The following LY6G5B variants were observed in gnomAD, a reference collection of about 807,000 sequenced individuals.
LY6G5B encodes the protein lymphocyte antigen 6 complex locus protein G5b.
A neutral mutation model predicts 6.7 loss-of-function variants in LY6G5B; 6 were observed. The ratio of observed to expected loss-of-function variants is 0.89; its 90% CI spans 0.49 to 1.76. The LOEUF is 1.76. LY6G5B is among the 40% of genes most tolerant of loss of function. The probability of loss-of-function intolerance (pLI) is 0.01; values close to 1 mark genes in which losing one functional copy is unlikely to be tolerated. For missense variants in LY6G5B, 240 were observed against 249.5 expected, an observed-to-expected ratio of 0.96 and a Z score of 0.26; for synonymous variants, 98 against 99.4, an observed-to-expected ratio of 0.99 and a Z score of 0.09.
exon 1 of LY6G5B, chr6:31,670,662 A>G: frequency 2.2e-6 from 1 of 465,072 alleles, no homozygotes; most frequent in East Asian, 3.4e-5. Flanking sequence ...AAAGGTAGAC[A>G]CTGGATAAAG....
chr6:31,670,448 C>T (rs1043667597), exon 1 of LY6G5B: 8 of 174,790 alleles, frequency 4.6e-5, no homozygotes, highest in Admixed American at 2.8e-4. Flanking sequence ...AATTGCTGCT[C>T]AGTGATGTGT....
exon 3 of LY6G5B, chr6:31,672,205 C>T (rs142186859): frequency 1.4e-5 from 23 of 1,612,968 alleles, no homozygotes; most frequent in African/African-American, 8.0e-5. Flanking sequence ...TGAGCTGCGC[C>T]GCATGTACTT....
exon 3 of LY6G5B, chr6:31,671,907 T>G: frequency 6.2e-7 from 1 of 1,613,042 alleles, no homozygotes; most frequent in Non-Finnish European, 8.5e-7. Context: ...GACAGTACAT[T>G]TCCTACCGCT....
exon 1 of LY6G5B, chr6:31,670,258 T>G (rs920952037): frequency 1.2e-5 from 4 of 327,632 alleles, no homozygotes. Context: ...AAATGCAAGG[T>G]CAAAAGGAAA....
chr6:31,670,222 C>A, exon 1 of LY6G5B: 1 of 424,990 alleles, frequency 2.4e-6, no homozygotes. Context: ...TGGAGCAGAA[C>A]AGAATTCCTA....
At chr6:31,670,970 T>C (rs1802164780) in exon 1 of LY6G5B, 1 of 1,611,264 alleles carries the variant, frequency 6.2e-7, no homozygotes, top group African/African-American at 1.3e-5. Context: ...CATATGCTTG[T>C]AGGTGTGCTG....
exon 3 of LY6G5B, chr6:31,672,028 G>A (rs1162676066): frequency 1.9e-6 from 3 of 1,613,036 alleles, no homozygotes; most frequent in East Asian, 2.2e-5. Flanking sequence ...CTCTCTGCCG[G>A]AGCCCCATGA....
chr6:31,671,396 C>A (rs955998396), intron 2 of LY6G5B, 112 bp downstream of exon 2: 7 of 1,491,544 alleles, frequency 4.7e-6, no homozygotes, highest in Admixed American at 3.5e-5. Flanking sequence ...AGAGGAGGGG[C>A]TGAGTGCAAT....
In LY6G5B at chr6:31,671,313, G is replaced by A. The variant is rs1173222696; in HGVS notation, c.187+29G>A. 3.1e-6 allele frequency: 5 copies of A among 1,612,382 alleles called. No homozygotes were observed. The South Asian group carries it at 5.5e-5, about 18-fold the overall frequency. ...AATAAGGTCCCAGGAAGGGGCTGCT[G>A]GTGGGGCAGCCAATGGCTTGGTCTT... On this transcript the variant is annotated intron_variant, in intron 2 of 2. Transcript: ENST00000375864.
chr6:31,673,308 A>C (rs893540400), exon 3 of LY6G5B: 24 of 152,446 alleles, frequency 1.6e-4, no homozygotes, highest in Non-Finnish European at 3.5e-4. Flanking sequence ...AGATGTCCTG[A>C]CTTGGCAATT....
exon 1 of LY6G5B, chr6:31,670,880 G>T: frequency 6.7e-7 from 1 of 1,491,726 alleles, no homozygotes; most frequent in South Asian, 1.3e-5. Flanking sequence ...TAGGATTAAG[G>T]AGCATGGTCA....
At chr6:31,672,201 G>C in exon 3 of LY6G5B, 2 of 1,613,098 alleles carry the variant, frequency 1.2e-6, no homozygotes, top group Non-Finnish European at 1.7e-6. Context: ...TTGCTGAGCT[G>C]CGCCGCATGT....
At chr6:31,671,791 A>G (rs778391540) in intron 2 of LY6G5B, 73 bp from the exon 3 acceptor site, 88 of 1,518,446 alleles carry the variant, frequency 5.8e-5, no homozygotes, top group Non-Finnish European at 7.7e-5. Context: ...AAGGATGGGA[A>G]AAGTCAGTAG....
chr6:31,672,462 T>A (rs1802305896), exon 3 of LY6G5B: 4 of 731,458 alleles, frequency 5.5e-6, no homozygotes, highest in Non-Finnish European at 8.7e-6. Context: ...TTTGTTTGTT[T>A]GAGACAAAGT....
At chr6:31,672,455 G>A in exon 3 of LY6G5B, 1 of 765,256 alleles carries the variant, frequency 1.3e-6, no homozygotes, top group Non-Finnish European at 2.0e-6. Context: ...CTGTTTTTTT[G>A]TTTGTTTGAG....
exon 3 of LY6G5B, chr6:31,671,937 C>CTACTTTGCAGAG (rs1562059388): frequency 1.9e-6 from 3 of 1,613,092 alleles, no homozygotes; most frequent in South Asian, 2.2e-5. Context: ...AACGCAACAC[C>CTACTTTGCAGAG]TACTTTGCAG....
exon 3 of LY6G5B, chr6:31,673,259 C>T (rs1802366460): frequency 6.6e-6 from 1 of 151,986 alleles, no homozygotes; most frequent in Non-Finnish European, 1.5e-5. Context: ...CAGTGAGACT[C>T]CGTCTCCAAA....
At chr6:31,672,140 C>G (rs1325712360) in exon 3 of LY6G5B, 2 of 1,613,122 alleles carry the variant, frequency 1.2e-6, no homozygotes, top group Non-Finnish European at 1.7e-6. Context: ...GGGACGGAGC[C>G]TGATGGCCTG....
chr6:31,671,963 C>G (rs566720945), exon 3 of LY6G5B: 2 of 1,613,098 alleles, frequency 1.2e-6, no homozygotes, highest in Admixed American at 3.3e-5. Flanking sequence ...TGGTATCAGG[C>G]CCAGTGCTGT....
Sources: gnomAD v4.1 joint callset for allele counts on GRCh38, gnomAD v4.1.1 for gene constraint, MANE v1.5 for transcripts, NCBI Gene and HGNC (gene_info 2026-07-23, HGNC 2026-07-21) for gene names.